The following PURA variants were observed in gnomAD, a reference collection of about 807,000 sequenced individuals.
PURA encodes purine rich element binding protein A.
In PURA, 2 loss-of-function variants were observed where a neutral mutation model predicts 23.1. That is an observed-to-expected ratio of 0.09 (90% confidence interval 0.04 to 0.27). The LOEUF is 0.27. Ranked by LOEUF, PURA falls within the 10% of genes least tolerant of loss-of-function variation. PURA has a pLI of 1.00. For synonymous variants in PURA, 254 were observed against 205.9 expected, an observed-to-expected ratio of 1.23 and a Z score of -2.00; for missense variants, 187 against 449.7, an observed-to-expected ratio of 0.42 and a Z score of 5.28.
At position 140,122,808 on chromosome 5, in the gene PURA, A is replaced by G. The variant is rs1008633135; in HGVS notation, c.*7658A>G. 7 of 166,790 alleles carry G rather than the reference A, an allele frequency of 4.2e-5. No homozygotes were observed. Among genetic ancestry groups the G allele is most frequent in the Non-Finnish European group, 8.8e-5 (6 of 68,002 alleles). The allele number at this position is 166,790 out of a possible 1,614,324, so 10.3% of individuals were successfully genotyped here. A position where few individuals can be genotyped will look rare whatever the true frequency, so the allele number is the denominator to read the frequency against. On this transcript the variant is annotated 3_prime_UTR_variant, in exon 1 of 1. Transcript: ENST00000331327. ...TTATTTAAGATAAATAATTACTGTA[A>G]TGTTTGTTTTTAAGTTACATAATTC...
rs912363430 is a variant in PURA at position 140,115,381 on chromosome 5, A to G, written c.*231A>G. 1.4e-5 allele frequency: 5 copies of G among 365,390 alleles called. No homozygotes were observed. Among genetic ancestry groups the G allele is most frequent in the South Asian group, 1.1e-4 (1 of 9,124 alleles). 22.6% of individuals were successfully genotyped at this position (365,390 alleles called of 1,614,324 possible). The stretch of plus-strand genomic sequence containing the variant: ...GGATGTTGTCCACTTTATCCACCAT[A>G]TAAAACAGTAAGCAGCTGCTAAAAA... On this transcript the variant is annotated 3_prime_UTR_variant, in exon 1 of 1. Coordinates refer to ENST00000331327, the MANE Select transcript of PURA (RefSeq NM_005859.5). The surrounding 1 kb of genome is among the most constrained non-coding windows in gnomAD (Gnocchi z 4.1).
chr5:140,123,260 A>G lies in PURA; in HGVS notation c.*8110A>G, dbSNP rs1421272308. The G allele has an allele frequency of 1.8e-5, 3 of 167,006 alleles. No homozygotes were observed. Among genetic ancestry groups the G allele is most frequent in the Non-Finnish European group, 2.9e-5 (2 of 68,056 alleles). 10.3% of individuals were successfully genotyped at this position (167,006 alleles called of 1,614,324 possible). A position where few individuals can be genotyped will look rare whatever the true frequency, so the allele number is the denominator to read the frequency against. Reference sequence around the variant, plus strand: ...TTGTGATTTAAATGACTGTGAGACAAGTCCTTGAAAGGCTTAAGTCTAGTC... The same window carrying G: ...TTGTGATTTAAATGACTGTGAGACAGGTCCTTGAAAGGCTTAAGTCTAGTC... On this transcript the variant is annotated 3_prime_UTR_variant, in exon 1 of 1. Transcript: ENST00000331327.
chr5:140,118,187 T>G lies in PURA; in HGVS notation c.*3037T>G, dbSNP rs1008313295. On this transcript the variant is annotated 3_prime_UTR_variant, in exon 1 of 1. Transcript: ENST00000331327. ...TGTGCCAAAAACAAGCAAACAAAAC[T>G]TAATTCCTGAGAAGTATGCCTTATT... The G allele has an allele frequency of 1.2e-5, 2 of 167,020 alleles. No individual in the cohort carries two copies. Among genetic ancestry groups the G allele is most frequent in the Non-Finnish European group, 2.9e-5 (2 of 68,092 alleles). The allele number at this position is 167,020 out of a possible 1,614,324, so 10.3% of individuals were successfully genotyped here.
Position 140,121,364 on chromosome 5 carries a change from C to T in PURA, c.*6214C>T, listed in dbSNP as rs1360279971. The T allele has an allele frequency of 1.8e-5, 3 of 166,896 alleles. No homozygotes were observed. In the East Asian group the frequency reaches 5.8e-4, roughly 32 times the overall value. The allele number at this position is 166,896 out of a possible 1,614,324, so 10.3% of individuals were successfully genotyped here. A position where few individuals can be genotyped will look rare whatever the true frequency, so the allele number is the denominator to read the frequency against. On this transcript the variant is annotated 3_prime_UTR_variant, in exon 1 of 1. Coordinates refer to ENST00000331327, the MANE Select transcript of PURA (RefSeq NM_005859.5). The stretch of plus-strand genomic sequence containing the variant: ...CAGGTGAATTACCTATTCATCTTGA[C>T]TAGCTCAAACAATGATAGCCATCAG...
chr5:140,120,815 G>C lies in PURA; in HGVS notation c.*5665G>C, dbSNP rs1273674675. 6.0e-6 allele frequency: 1 copy of C among 166,742 alleles called. No individual in the cohort carries two copies. The highest frequency in any genetic ancestry group is 1.5e-5 in the Non-Finnish European group (1 of 67,962). The allele number at this position is 166,742 out of a possible 1,614,324, so 10.3% of individuals were successfully genotyped here. A position where few individuals can be genotyped will look rare whatever the true frequency, so the allele number is the denominator to read the frequency against. ...AAGCTGAGTGTGGCAAAGGTCACTT[G>C]TTAACATTTTTCTTAACAAGAATGT... is the stretch of plus-strand genomic sequence containing the variant. On this transcript the variant is annotated 3_prime_UTR_variant, in exon 1 of 1. Transcript: ENST00000331327.
Position 140,123,646 on chromosome 5 carries a change from A to G in PURA, c.*8496A>G, listed in dbSNP as rs935997652. On this transcript the variant is annotated 3_prime_UTR_variant, in exon 1 of 1. Coordinates refer to ENST00000331327, the MANE Select transcript of PURA (RefSeq NM_005859.5). ...TTTTAATATGGGCCTTTATTTGCCA[A>G]TAAAATCCTTTGTAAATGTGAGCTT... 2 of 166,708 alleles carry G rather than the reference A, an allele frequency of 1.2e-5. No individual in the cohort carries two copies. Among genetic ancestry groups the G allele is most frequent in the Non-Finnish European group, 2.9e-5 (2 of 68,086 alleles). The allele number at this position is 166,708 out of a possible 1,614,324, so 10.3% of individuals were successfully genotyped here.
In PURA at chr5:140,115,249, A is replaced by C; in HGVS notation, c.*99A>C. On this transcript the variant is annotated 3_prime_UTR_variant, in exon 1 of 1. Transcript: ENST00000331327. This position sits in a 1 kb window ranked among gnomAD's most constrained non-coding sequence, Gnocchi z 4.1. The stretch of plus-strand genomic sequence containing the variant: ...ACTGTAAAGAAAGAGAGAAAATAAA[A>C]AGTTAAAAAGTTAAAAAAAAAAAAA... 3 of 797,598 alleles carry C rather than the reference A, an allele frequency of 3.8e-6. No individual in the cohort carries two copies. Among genetic ancestry groups the C allele is most frequent in the Non-Finnish European group, 5.4e-6 (3 of 556,472 alleles). The allele number at this position is 797,598 out of a possible 1,614,324, so 49.4% of individuals were successfully genotyped here.
chr5:140,124,685 A>G lies in PURA; in HGVS notation c.*9535A>G, dbSNP rs932421947. On this transcript the variant is annotated 3_prime_UTR_variant, in exon 1 of 1. Transcript: ENST00000331327. ...TGATTCTAGATAATCCTTTACTCAA[A>G]ATCATAAGTTAAAGATTCACATCAT... 1.8e-5 allele frequency: 3 copies of G among 166,982 alleles called. No homozygotes were observed. The highest frequency in any genetic ancestry group is 7.2e-5 in the African/African-American group (3 of 41,450). The allele number at this position is 166,982 out of a possible 1,614,324, so 10.3% of individuals were successfully genotyped here.
chr5:140,116,528 T>A lies in PURA; in HGVS notation c.*1378T>A, dbSNP rs564616881. ...TATCAAAAGTATGTTCTATAACTCA[T>A]ATATTCAAGGTGTAGGGTATGAAAA... On this transcript the variant is annotated 3_prime_UTR_variant, in exon 1 of 1. Coordinates refer to ENST00000331327, the MANE Select transcript of PURA (RefSeq NM_005859.5). 1.2e-5 allele frequency: 2 copies of A among 167,174 alleles called. No homozygotes were observed. The highest frequency in any genetic ancestry group is 3.8e-4 in the East Asian group (2 of 5,196). 10.4% of individuals were successfully genotyped at this position (167,174 alleles called of 1,614,324 possible).
Position 140,118,656 on chromosome 5 carries a change from C to G in PURA, c.*3506C>G, listed in dbSNP as rs924409989. ...AATATTTGCCAAATGGAAAAAAAGA[C>G]AATGCTAGTCAGAAAAGACAAACTG... On this transcript the variant is annotated 3_prime_UTR_variant, in exon 1 of 1. Transcript: ENST00000331327. The G allele has an allele frequency of 1.2e-5, 2 of 166,702 alleles. No homozygotes were observed. The highest frequency in any genetic ancestry group is 6.6e-5 in the Admixed American group (1 of 15,248). The allele number at this position is 166,702 out of a possible 1,614,324, so 10.3% of individuals were successfully genotyped here.
rs1300760012 is a variant in PURA, at chr5:140,117,883, A to G, written c.*2733A>G. 2 of 166,904 alleles carry G rather than the reference A, an allele frequency of 1.2e-5. No homozygotes were observed. The highest frequency in any genetic ancestry group is 4.8e-5 in the African/African-American group (2 of 41,450). The allele number at this position is 166,904 out of a possible 1,614,324, so 10.3% of individuals were successfully genotyped here. A position where few individuals can be genotyped will look rare whatever the true frequency, so the allele number is the denominator to read the frequency against. ...TTAAGACTTAAAAAGTGATCATAGA[A>G]AAGACTAAGTGACTGTAAAGATGCT... On this transcript the variant is annotated 3_prime_UTR_variant, in exon 1 of 1. Transcript: ENST00000331327.
Position 140,120,511 on chromosome 5 carries a change from T to C in PURA, c.*5361T>C, listed in dbSNP as rs1763141261. ...AATCTTCTTTGCAGATTTTGTGATA[T>C]ATTAAGAAAAGCTGATTTTAATATT... is the stretch of plus-strand genomic sequence containing the variant. On this transcript the variant is annotated 3_prime_UTR_variant, in exon 1 of 1. Coordinates refer to ENST00000331327, the MANE Select transcript of PURA (RefSeq NM_005859.5). The C allele has an allele frequency of 6.0e-6, 1 of 166,716 alleles. No homozygotes were observed. The highest frequency in any genetic ancestry group is 1.5e-5 in the Non-Finnish European group (1 of 67,972). 10.3% of individuals were successfully genotyped at this position (166,716 alleles called of 1,614,324 possible).
chr5:140,115,238 G>C lies in PURA; in HGVS notation c.*88G>C. On this transcript the variant is annotated 3_prime_UTR_variant, in exon 1 of 1. Transcript: ENST00000331327. The surrounding 1 kb of genome is among the most constrained non-coding windows in gnomAD (Gnocchi z 4.1). ...ACAGAAAATATACTGTAAAGAAAGAGAGAAAATAAAAAGTTAAAAAGTTAA... is the reference window on the plus strand; with the variant it reads ...ACAGAAAATATACTGTAAAGAAAGACAGAAAATAAAAAGTTAAAAAGTTAA... 8 of 749,174 alleles carry C rather than the reference G, an allele frequency of 1.1e-5. No homozygotes were observed. The highest frequency in any genetic ancestry group is 1.5e-5 in the Non-Finnish European group (8 of 526,224). 46.4% of individuals were successfully genotyped at this position (749,174 alleles called of 1,614,324 possible). A position where few individuals can be genotyped will look rare whatever the true frequency, so the allele number is the denominator to read the frequency against.
Position 140,119,556 on chromosome 5 carries a change from G to T in PURA, c.*4406G>T, listed in dbSNP as rs1417918078. On this transcript the variant is annotated 3_prime_UTR_variant, in exon 1 of 1. Transcript: ENST00000331327. ...AATGAGAATCTGGGTGGGTATCATGGCCCAAGCACTTTATATCATTTTTTA... is the reference window on the plus strand; with the variant it reads ...AATGAGAATCTGGGTGGGTATCATGTCCCAAGCACTTTATATCATTTTTTA... The T allele has an allele frequency of 6.0e-6, 1 of 166,736 alleles. No individual in the cohort carries two copies. Among genetic ancestry groups the T allele is most frequent in the Non-Finnish European group, 1.5e-5 (1 of 67,928 alleles). 10.3% of individuals were successfully genotyped at this position (166,736 alleles called of 1,614,324 possible).
At position 140,115,960 on chromosome 5, in the gene PURA, G is replaced by A. The variant is rs1456016399; in HGVS notation, c.*810G>A. 6.0e-6 allele frequency: 1 copy of A among 166,962 alleles called. No individual in the cohort carries two copies. Among genetic ancestry groups the A allele is most frequent in the Non-Finnish European group, 1.5e-5 (1 of 68,092 alleles). The allele number at this position is 166,962 out of a possible 1,614,324, so 10.3% of individuals were successfully genotyped here. On this transcript the variant is annotated 3_prime_UTR_variant, in exon 1 of 1. Coordinates refer to ENST00000331327, the MANE Select transcript of PURA (RefSeq NM_005859.5). This position sits in a 1 kb window ranked among gnomAD's most constrained non-coding sequence, Gnocchi z 4.1. ...TGAACATGAAGAAATTATTAAAAAA[G>A]GCATTTAAATGAAATTTGCTAAGTT...
Position 140,115,803 on chromosome 5 carries a change from G to A in PURA, c.*653G>A, listed in dbSNP as rs1227842827. The A allele has an allele frequency of 6.0e-6, 1 of 167,052 alleles. No individual in the cohort carries two copies. The highest frequency in any genetic ancestry group is 1.5e-5 in the Non-Finnish European group (1 of 68,126). The allele number at this position is 167,052 out of a possible 1,614,324, so 10.3% of individuals were successfully genotyped here. On this transcript the variant is annotated 3_prime_UTR_variant, in exon 1 of 1. Transcript: ENST00000331327. This position sits in a 1 kb window ranked among gnomAD's most constrained non-coding sequence, Gnocchi z 4.1. ...CTGTGTGTCTGAGCTTTGTCTAAAT[G>A]TTATGCAGAAGTTTGTAGAGTTAAA...
rs1763154483 is a variant in PURA at position 140,121,632 on chromosome 5, C to T, written c.*6482C>T. ...AGAGAAGTAAAGAAATTTCTGACTC[C>T]TGCCTTAGAACATAGCTAACTGATG... On this transcript the variant is annotated 3_prime_UTR_variant, in exon 1 of 1. Transcript: ENST00000331327. The T allele has an allele frequency of 6.0e-6, 1 of 166,934 alleles. No individual in the cohort carries two copies. Among genetic ancestry groups the T allele is most frequent in the Non-Finnish European group, 1.5e-5 (1 of 68,030 alleles). The allele number at this position is 166,934 out of a possible 1,614,324, so 10.3% of individuals were successfully genotyped here. A position where few individuals can be genotyped will look rare whatever the true frequency, so the allele number is the denominator to read the frequency against.
Position 140,115,132 on chromosome 5 carries a change from A to G in PURA, c.951A>G (p.Glu317=). 1 of 1,558,134 alleles carries G rather than the reference A, an allele frequency of 6.4e-7. No individual in the cohort carries two copies. The highest frequency in any genetic ancestry group is 8.7e-7 in the Non-Finnish European group (1 of 1,151,992). Residue 317 remains glutamate (E), a synonymous_variant, in exon 1 of 1, where the codon GAA becomes GAG. Transcript: ENST00000331327. This position sits in a 1 kb window ranked among gnomAD's most constrained non-coding sequence, Gnocchi z 4.1. Reference sequence around the variant, plus strand: ...CCACCCTGCTACTGCAGGGTGAGGAAGAAGGGGAAGAAGATTGATCAAACT... The same window carrying G: ...CCACCCTGCTACTGCAGGGTGAGGAGGAAGGGGAAGAAGATTGATCAAACT... ...AAATLLLQGE[E]EGEED
rs970642260 is a variant in PURA at position 140,114,934 on chromosome 5, C to G, written c.753C>G (p.Pro251=). The G allele has an allele frequency of 6.2e-7, 1 of 1,614,124 alleles. No homozygotes were observed. Among genetic ancestry groups the G allele is most frequent in the East Asian group, 2.2e-5 (1 of 44,898 alleles). ...TTATGCGAGTGAGCGAGGTGAAGCC[C>G]ACCTATCGCAACTCCATCACCGTGC... is the stretch of plus-strand genomic sequence containing the variant. The part of the protein sequence containing the change: ...GVFMRVSEVK[P]TYRNSITVPY... The change falls in exon 1 of 1, where the codon CCC becomes CCG. Residue 251 remains proline, a synonymous_variant. Transcript: ENST00000331327.
Sources: gnomAD v4.1 joint callset for allele counts on GRCh38, gnomAD v4.1.1 for gene constraint, Gnocchi (gnomAD v3.1) non-coding constraint, MANE v1.5 for transcripts, NCBI Gene and HGNC (gene_info 2026-07-23, HGNC 2026-07-21) for gene names.